ROBO2: variants seen among roughly 807,000 people sequenced by gnomAD.
ROBO2 encodes the protein roundabout homolog 2.
In ROBO2, 53 loss-of-function variants were observed where a neutral mutation model predicts 160.8. The ratio of observed to expected loss-of-function variants is 0.33; its 90% CI spans 0.26 to 0.41. The LOEUF (loss-of-function observed/expected upper bound fraction) is 0.41. Among genes scored for constraint, ROBO2 ranks in the 10% least tolerant of loss-of-function variants. ROBO2 has a pLI of 1.00. For missense variants in ROBO2, 1,577 were observed against 1,722.4 expected (o/e 0.92, Z 1.49); for synonymous variants, 664 against 611.7 (o/e 1.09, Z -1.26).
intron 2 of ROBO2, among the ~76,000 whole-genome samples, chr3:76,270,056 A>C (rs1175974325): frequency 6.6e-6 from 1 of 152,076 alleles, no homozygotes; most frequent in African/African-American, 2.4e-5. Context: ...GATGTGGTTA[A>C]AATTGGAATT....
intron 7 of ROBO2, among the ~76,000 whole-genome samples, chr3:77,548,983 A>C (rs2092809448): frequency 6.6e-6 from 1 of 152,036 alleles, no homozygotes; most frequent in African/African-American, 2.4e-5. Flanking sequence ...CCATCAGTAG[A>C]AACAGTTAAA....
chr3:76,444,318 T>C (rs2077067996), intron 2 of ROBO2, among the ~76,000 whole-genome samples: 1 of 152,138 alleles, frequency 6.6e-6, no homozygotes, highest in Non-Finnish European at 1.5e-5. Flanking sequence ...ATTTGAAAAC[T>C]GTTAAATAAC....
chr3:77,115,386 A>G (rs1304283949), intron 2 of ROBO2, among the ~76,000 whole-genome samples: 1 of 152,174 alleles, frequency 6.6e-6, no homozygotes, highest in Non-Finnish European at 1.5e-5. Flanking sequence ...TCTTCCATAT[A>G]TGAGCGCTAT....
chr3:76,232,564 A>T (rs1704684241), intron 2 of ROBO2, among the ~76,000 whole-genome samples: 2 of 152,234 alleles, frequency 1.3e-5, no homozygotes, highest in African/African-American at 4.8e-5. Context: ...TCGATTGCAA[A>T]TATAAACTAT....
chr3:77,338,913 T>C (rs1470902962), intron 2 of ROBO2, among the ~76,000 whole-genome samples: 2 of 152,224 alleles, frequency 1.3e-5, no homozygotes, highest in East Asian at 3.9e-4. Context: ...AGTTGATTTG[T>C]TTTTGAATTA....
At chr3:76,304,747 CTTCTTTCTTTCTTTCT>C (rs1222058179) in intron 2 of ROBO2, among the ~76,000 whole-genome samples, 1,587 of 101,650 alleles carry the variant, frequency 0.016, 18 homozygotes, top group Non-Finnish European at 0.022. Context: ...CTTTTCTTTC[CTTCTTTCTTTCTTTCT>C]TTCTTTCTTT....
intron 2 of ROBO2, among the ~76,000 whole-genome samples, chr3:76,564,250 C>T (rs373323209): frequency 1.3e-5 from 2 of 152,200 alleles, no homozygotes; most frequent in South Asian, 2.1e-4. Context: ...GAATATTATG[C>T]TCCTTACAGT....
At chr3:76,777,516 A>G (rs755687315) in intron 2 of ROBO2, among the ~76,000 whole-genome samples, 1 of 150,998 alleles carries the variant, frequency 6.6e-6, no homozygotes, top group African/African-American at 2.4e-5. Flanking sequence ...AATGTAATGG[A>G]CACTGAGAGC....
intron 2 of ROBO2, among the ~76,000 whole-genome samples, chr3:76,219,279 T>A (rs1463431950): frequency 1.3e-5 from 2 of 152,106 alleles, no homozygotes; most frequent in African/African-American, 4.8e-5. Context: ...GGACTTCATG[T>A]CTAAAACACC....
intron 16 of ROBO2, among the ~76,000 whole-genome samples, chr3:77,586,946 A>G (rs1029823094): frequency 1.3e-5 from 2 of 151,634 alleles, no homozygotes; most frequent in African/African-American, 4.8e-5. Flanking sequence ...CTGGTTTTTA[A>G]ATCTGAAATT....
chr3:77,290,225 C>G (rs1412371969), intron 2 of ROBO2, among the ~76,000 whole-genome samples: 1 of 128,596 alleles, frequency 7.8e-6, no homozygotes, highest in African/African-American at 3.2e-5. Flanking sequence ...TAGATCACCC[C>G]AGACATAAAG....
intron 2 of ROBO2, among the ~76,000 whole-genome samples, chr3:76,709,719 C>T (rs557428797): frequency 6.6e-6 from 1 of 152,240 alleles, no homozygotes; most frequent in Non-Finnish European, 1.5e-5. Context: ...CTGGATTTTC[C>T]AGAGCCAGGG....
rs201156937 is a variant in ROBO2 at position 77,562,691 on chromosome 3, C to A, written c.1478C>A (p.Ser493Ter). Residue 493 changes from serine (S) to a stop codon, truncating the protein, a stop_gained, in exon 10 of 26, where the codon TCA becomes TAA. Coordinates refer to ENST00000461745, the Ensembl canonical transcript of ROBO2. LOFTEE classifies it high-confidence loss of function. Reference sequence around the variant, plus strand: ...ACTTATACTTGTGTGGCTACAAGTTCAAGTGGAGAGACTTCCTGGAGTGCA... The same window carrying A: ...ACTTATACTTGTGTGGCTACAAGTTAAAGTGGAGAGACTTCCTGGAGTGCA... 2 of 1,612,530 alleles carry A rather than the reference C, an allele frequency of 1.2e-6. No homozygotes were observed. Among genetic ancestry groups the A allele is most frequent in the African/African-American group, 1.3e-5 (1 of 74,818 alleles).
At chr3:77,503,562 A>AAAT (rs941689697) in intron 5 of ROBO2, among the ~76,000 whole-genome samples, 3 of 150,584 alleles carry the variant, frequency 2.0e-5, no homozygotes, top group Non-Finnish European at 4.4e-5. Flanking sequence ...TAAATAAATA[A>AAAT]AATAATAATA....
At chr3:76,797,289 A>G (rs896680915) in intron 2 of ROBO2, among the ~76,000 whole-genome samples, 1 of 152,110 alleles carries the variant, frequency 6.6e-6, no homozygotes, top group Admixed American at 6.5e-5. Flanking sequence ...ATCAATAACA[A>G]GAAGAAACTA....
At chr3:76,503,569 T>C (rs2080602012) in intron 2 of ROBO2, among the ~76,000 whole-genome samples, 1 of 152,190 alleles carries the variant, frequency 6.6e-6, no homozygotes, top group South Asian at 2.1e-4. Flanking sequence ...CATCAACAGA[T>C]GAATAAATAT....
chr3:77,234,634 A>T (rs1329941872), intron 2 of ROBO2, among the ~76,000 whole-genome samples: 1 of 152,090 alleles, frequency 6.6e-6, no homozygotes, highest in Non-Finnish European at 1.5e-5. Flanking sequence ...TTTTATTAAT[A>T]TTTTTCAATT....
At chr3:76,674,103 A>G (rs947325685) in intron 2 of ROBO2, among the ~76,000 whole-genome samples, 4 of 152,062 alleles carry the variant, frequency 2.6e-5, no homozygotes, top group Non-Finnish European at 5.9e-5. Context: ...TCAATCAGAG[A>G]TAACTCTTAA....
At chr3:76,338,756 T>G (rs577941483) in intron 2 of ROBO2, among the ~76,000 whole-genome samples, 83 of 150,462 alleles carry the variant, frequency 5.5e-4, no homozygotes, top group African/African-American at 2.0e-3. Flanking sequence ...ATTATTTTTA[T>G]TAATCAAATT....
Sources: gnomAD v4.1 joint callset for allele counts (sites outside exome capture counted in the v4.1 genomes callset) on GRCh38, gnomAD v4.1.1 for gene constraint, MANE v1.5 for transcripts, NCBI Gene and HGNC (gene_info 2026-07-23, HGNC 2026-07-21) for gene names.